The following SAMD12 variants were observed in gnomAD, a reference collection of about 807,000 sequenced individuals.
SAMD12 encodes the protein sterile alpha motif domain containing 12.
A neutral mutation model predicts 15.0 loss-of-function variants in SAMD12; 9 were observed. The observed-to-expected ratio is 0.60, with a 90% confidence interval of 0.36 to 1.05. The LOEUF is 1.05. SAMD12 is among the 50% of genes least tolerant of loss of function. The pLI, the probability that SAMD12 is intolerant of heterozygous loss-of-function variation, is 0.01. For synonymous variants in SAMD12, 86 were observed against 90.1 expected, an observed-to-expected ratio of 0.96 and a Z score of 0.25; for missense variants, 230 against 234.2, an observed-to-expected ratio of 0.98 and a Z score of 0.12.
intron 4 of SAMD12, among the ~76,000 whole-genome samples, chr8:118,351,528 T>C (rs1406953868): frequency 6.6e-6 from 1 of 152,174 alleles, no homozygotes; most frequent in African/African-American, 2.4e-5. Flanking sequence ...TGTGCTGTGG[T>C]CTGTCATGGT....
intron 2 of SAMD12, among the ~76,000 whole-genome samples, chr8:118,536,242 C>G (rs1478291631): frequency 6.6e-6 from 1 of 152,094 alleles, no homozygotes; most frequent in Non-Finnish European, 1.5e-5. Flanking sequence ...GTTTTCTTTT[C>G]CCTTACAGCT....
chr8:118,166,855 T>C, the SAMD12 span, among the ~76,000 whole-genome samples: 1 of 152,144 alleles, frequency 6.6e-6, no homozygotes, highest in Non-Finnish European at 1.5e-5. Flanking sequence ...CAAAGCCCCT[T>C]ATGTATATCT....
At chr8:118,140,277 TA>T in the SAMD12 span, among the ~76,000 whole-genome samples, 1 of 150,416 alleles carries the variant, frequency 6.6e-6, no homozygotes, top group Non-Finnish European at 1.5e-5. Context: ...ATTTGTCTTT[TA>T]TTTTTTTTTT....
intron 3 of SAMD12, among the ~76,000 whole-genome samples, chr8:118,429,800 AG>A (rs1157620638): frequency 6.6e-6 from 1 of 152,172 alleles, no homozygotes; most frequent in Non-Finnish European, 1.5e-5. Context: ...AGGCTGAGGA[AG>A]GAGAATCGCT....
intron 4 of SAMD12, among the ~76,000 whole-genome samples, chr8:118,367,645 T>C (rs1437909509): frequency 1.3e-5 from 2 of 152,236 alleles, no homozygotes; most frequent in African/African-American, 4.8e-5. Flanking sequence ...TGGTGAGTTC[T>C]GCAGGGGCAG....
intron 2 of SAMD12, among the ~76,000 whole-genome samples, chr8:118,448,514 C>T (rs1822983421): frequency 6.6e-6 from 1 of 152,216 alleles, no homozygotes; most frequent in Non-Finnish European, 1.5e-5. Flanking sequence ...ACTGTCTGTT[C>T]CGCCATCATA....
chr8:118,552,278 A>G (rs1826362401), intron 2 of SAMD12, among the ~76,000 whole-genome samples: 2 of 152,214 alleles, frequency 1.3e-5, no homozygotes, highest in African/African-American at 4.8e-5. Context: ...AAAATCCTCA[A>G]TAAAATACCG....
At chr8:118,540,255 T>C (rs1364313782) in intron 2 of SAMD12, among the ~76,000 whole-genome samples, 1 of 152,204 alleles carries the variant, frequency 6.6e-6, no homozygotes, top group African/African-American at 2.4e-5. Context: ...AGGGTAGTGG[T>C]TCTCAGTTGC....
chr8:118,179,359 C>G, the SAMD12 span, among the ~76,000 whole-genome samples: 2 of 151,400 alleles, frequency 1.3e-5, no homozygotes, highest in Admixed American at 1.3e-4. Flanking sequence ...ATCGCTTGAA[C>G]CTGGGAGGCA....
intron 2 of SAMD12, among the ~76,000 whole-genome samples, chr8:118,539,532 G>A (rs1297748443): frequency 6.6e-6 from 1 of 152,016 alleles, no homozygotes; most frequent in Admixed American, 6.6e-5. Context: ...GACACTCTTG[G>A]GAGTTTCTTC....
At chr8:118,410,300 G>T (rs958828747) in intron 3 of SAMD12, among the ~76,000 whole-genome samples, 15 of 152,312 alleles carry the variant, frequency 9.8e-5, no homozygotes, top group Non-Finnish European at 1.9e-4. Flanking sequence ...CTACAAAGGA[G>T]TAGGGTCAGT....
chr8:118,295,412 T>G (rs1156612440), intron 4 of SAMD12, among the ~76,000 whole-genome samples: 1 of 152,190 alleles, frequency 6.6e-6, no homozygotes, highest in Non-Finnish European at 1.5e-5. Flanking sequence ...TAACCAATAT[T>G]CTGCCAATAT....
chr8:118,332,462 C>T (rs540566713), intron 4 of SAMD12, among the ~76,000 whole-genome samples: 50 of 152,326 alleles, frequency 3.3e-4, no homozygotes, highest in Non-Finnish European at 4.4e-4. Flanking sequence ...TAATTTGACT[C>T]ATTTCCCAAA....
chr8:118,264,647 G>C (rs570563735), intron 4 of SAMD12, among the ~76,000 whole-genome samples: 1 of 152,074 alleles, frequency 6.6e-6, no homozygotes, highest in East Asian at 1.9e-4. Flanking sequence ...CTCTGGGAAC[G>C]GGACCTGGCA....
intron 2 of SAMD12, among the ~76,000 whole-genome samples, chr8:118,486,819 G>A (rs1318013375): frequency 6.6e-6 from 1 of 152,188 alleles, no homozygotes; most frequent in Non-Finnish European, 1.5e-5. Context: ...AGCAATGGTG[G>A]GAGGCAGACA....
At chr8:118,476,457 T>C (rs1823962765) in intron 2 of SAMD12, among the ~76,000 whole-genome samples, 1 of 152,218 alleles carries the variant, frequency 6.6e-6, no homozygotes, top group Non-Finnish European at 1.5e-5. Context: ...ATTTTTCTTT[T>C]ACAGAGATAA....
chr8:118,255,525 C>A (rs1284652927), intron 4 of SAMD12, among the ~76,000 whole-genome samples: 4 of 110,752 alleles, frequency 3.6e-5, no homozygotes, highest in African/African-American at 7.0e-5. Context: ...CCACAACAGT[C>A]CCCAGAGTGT....
intron 4 of SAMD12, among the ~76,000 whole-genome samples, chr8:118,347,306 T>A (rs1817714732): frequency 6.6e-6 from 1 of 152,190 alleles, no homozygotes; most frequent in Non-Finnish European, 1.5e-5. Context: ...AAGCAGGTGT[T>A]CAGCATAAAT....
At chr8:118,221,001 A>G (rs748641418) in intron 4 of SAMD12, among the ~76,000 whole-genome samples, 8 of 152,080 alleles carry the variant, frequency 5.3e-5, no homozygotes, top group Non-Finnish European at 1.2e-4. Context: ...CTCTGGAATT[A>G]TTTGCGTATG....
Sources: allele counts gnomAD v4.1 joint callset (sites outside exome capture counted in the v4.1 genomes callset), GRCh38; gene constraint gnomAD v4.1.1; transcripts MANE v1.5; gene names NCBI Gene and HGNC (gene_info 2026-07-23, HGNC 2026-07-21).